Variants in ZMAT4 observed in about 807,000 individuals in gnomAD.
ZMAT4 encodes the protein zinc finger matrin-type protein 4.
ZMAT4 carries 17 observed loss-of-function variants against 28.7 expected under a neutral mutation model. The observed-to-expected ratio is 0.59, with a 90% confidence interval of 0.41 to 0.89. ZMAT4 has a LOEUF of 0.89. Ranked by LOEUF, ZMAT4 falls within the 40% of genes least tolerant of loss-of-function variation. The pLI is 0.00. For missense variants in ZMAT4, 240 were observed against 283.8 expected (o/e 0.85, Z 1.11); for synonymous variants, 117 against 109.2 (o/e 1.07, Z -0.44).
intron 6 of ZMAT4, among the ~76,000 whole-genome samples, chr8:40,551,363 A>G (rs1803364221): frequency 6.6e-6 from 1 of 152,176 alleles, no homozygotes; most frequent in South Asian, 2.1e-4. Flanking sequence ...GTAAATTCTA[A>G]TCAGTAAGGA....
At chr8:40,814,290 C>T (rs1315778450) in intron 2 of ZMAT4, among the ~76,000 whole-genome samples, 3 of 152,216 alleles carry the variant, frequency 2.0e-5, no homozygotes, top group East Asian at 3.8e-4. Context: ...CACTCAAGCC[C>T]ACCTACTTTG....
rs570147667 is a variant in ZMAT4 at position 40,747,690 on chromosome 8, C to T, written c.192+19951G>A. The stretch of plus-strand genomic sequence containing the variant: ...GATCCCTAATTCTTGGTGTTCAAGA[C>T]ATTGCAGGCCACAATTCCATCTTGA... On this transcript the variant is annotated intron_variant, in intron 3 of 6. Transcript: ENST00000297737. Among the ~76,000 whole-genome samples, 3 of 152,240 alleles carry T rather than the reference C, an allele frequency of 2.0e-5. No homozygotes were observed. The South Asian group carries it at 6.2e-4, about 32-fold the overall frequency.
chr8:40,709,381 C>A (rs952933823), intron 3 of ZMAT4, among the ~76,000 whole-genome samples: 9 of 151,994 alleles, frequency 5.9e-5, no homozygotes, highest in African/African-American at 2.2e-4. Context: ...TAAATGTCAA[C>A]CCAAAACAAT....
intron 3 of ZMAT4, among the ~76,000 whole-genome samples, chr8:40,729,614 G>A (rs1391411026): frequency 2.9e-5 from 2 of 68,470 alleles, no homozygotes; most frequent in Non-Finnish European, 6.7e-5. Flanking sequence ...TTTTTTTTTT[G>A]AGAAGGAGTC....
intron 6 of ZMAT4, among the ~76,000 whole-genome samples, chr8:40,546,184 T>G (rs1181916068): frequency 6.6e-6 from 1 of 152,072 alleles, no homozygotes; most frequent in African/African-American, 2.4e-5. Context: ...GAATCTCATC[T>G]TCAATATGAA....
At chr8:40,589,994 T>TTCCTTCCG in intron 5 of ZMAT4, among the ~76,000 whole-genome samples, 1 of 112,018 alleles carries the variant, frequency 8.9e-6, no homozygotes, top group African/African-American at 3.4e-5. Flanking sequence ...CCTTCCTTCC[T>TTCCTTCCG]TCCTTCCTTC....
At chr8:40,731,503 T>C (rs895532668) in intron 3 of ZMAT4, among the ~76,000 whole-genome samples, 35 of 152,084 alleles carry the variant, frequency 2.3e-4, no homozygotes, top group South Asian at 1.5e-3. Context: ...CCAGAGTTAC[T>C]ACCTTATTAG....
In ZMAT4 at chr8:40,822,506, C is replaced by G. The variant is rs190556212; in HGVS notation, c.102+3069G>C. 2.0e-3 allele frequency among the ~76,000 whole-genome samples: 299 copies of G among 152,308 alleles called. 1 individual carries two copies. The highest frequency in any genetic ancestry group is 9.9e-3 in the Admixed American group (152 of 15,304). ...AGACCCACTCCATAAGTCACTGCAGCAGGGAAGGTGTCTCTGGAGAGAAGA... is the reference window on the plus strand; with the variant it reads ...AGACCCACTCCATAAGTCACTGCAGGAGGGAAGGTGTCTCTGGAGAGAAGA... On this transcript the variant is annotated intron_variant, in intron 2 of 6. Coordinates refer to ENST00000297737, the MANE Select transcript of ZMAT4 (RefSeq NM_024645.3).
chr8:40,709,911 G>T (rs1003532392), intron 3 of ZMAT4, among the ~76,000 whole-genome samples: 2 of 151,858 alleles, frequency 1.3e-5, no homozygotes, highest in African/African-American at 4.8e-5. Context: ...GGTGGTGCTC[G>T]CCTGTAATCT....
At chr8:40,868,639 G>A (rs1045269322) in intron 1 of ZMAT4, among the ~76,000 whole-genome samples, 2 of 152,306 alleles carry the variant, frequency 1.3e-5, no homozygotes, top group African/African-American at 4.8e-5. Context: ...GAGGGTCCAA[G>A]GTCACCTGAC....
At chr8:40,764,581 A>T (rs956506000) in intron 3 of ZMAT4, among the ~76,000 whole-genome samples, 1 of 152,162 alleles carries the variant, frequency 6.6e-6, no homozygotes, top group Non-Finnish European at 1.5e-5. Flanking sequence ...TATTCAGGGC[A>T]GATGTGAATG....
intron 1 of ZMAT4, among the ~76,000 whole-genome samples, chr8:40,871,332 C>A (rs1159880351): frequency 6.6e-6 from 1 of 152,212 alleles, no homozygotes; most frequent in Non-Finnish European, 1.5e-5. Context: ...CCTCCTCTCC[C>A]TATAAAGCTA....
At chr8:40,631,679 T>A (rs566686790) in intron 5 of ZMAT4, among the ~76,000 whole-genome samples, 1 of 152,250 alleles carries the variant, frequency 6.6e-6, no homozygotes, top group East Asian at 1.9e-4. Context: ...AGAAGCAACA[T>A]AATGGTACCA....
intron 6 of ZMAT4, among the ~76,000 whole-genome samples, chr8:40,559,597 T>C (rs905247462): frequency 6.6e-6 from 1 of 152,194 alleles, no homozygotes; most frequent in African/African-American, 2.4e-5. Flanking sequence ...CCTGTCAGAA[T>C]GCCCATCTTG....
chr8:40,790,620 T>C (rs931391349), intron 2 of ZMAT4, among the ~76,000 whole-genome samples: 24 of 152,130 alleles, frequency 1.6e-4, no homozygotes, highest in Non-Finnish European at 4.4e-5. Context: ...ATACAAAACA[T>C]TGTTGAGAAA....
chr8:40,874,950 C>A (rs1458453890), intron 1 of ZMAT4, among the ~76,000 whole-genome samples: 1 of 152,208 alleles, frequency 6.6e-6, no homozygotes, highest in East Asian at 1.9e-4. Context: ...CAGTCTGTAG[C>A]ACATGGCGCA....
intron 6 of ZMAT4, among the ~76,000 whole-genome samples, chr8:40,557,802 G>T (rs1803595618): frequency 6.6e-6 from 1 of 152,060 alleles, no homozygotes; most frequent in South Asian, 2.1e-4. Context: ...ATACACCTCT[G>T]CAGCTTTTAC....
At chr8:40,763,999 C>A (rs4999665) in intron 3 of ZMAT4, among the ~76,000 whole-genome samples, 2 of 151,344 alleles carry the variant, frequency 1.3e-5, no homozygotes, top group Non-Finnish European at 2.9e-5. Flanking sequence ...AAAAAAAAAA[C>A]CCAGGTAAAA....
chr8:40,605,162 C>T (rs1047899456), intron 5 of ZMAT4, among the ~76,000 whole-genome samples: 27 of 151,982 alleles, frequency 1.8e-4, no homozygotes, highest in Admixed American at 1.5e-3. Context: ...TATTGTTTTC[C>T]GTTTGTTTCA....
Sources: allele counts gnomAD v4.1 joint callset (sites outside exome capture counted in the v4.1 genomes callset), GRCh38; gene constraint gnomAD v4.1.1; transcripts MANE v1.5; gene names NCBI Gene and HGNC (gene_info 2026-07-23, HGNC 2026-07-21).